ARMH3: variants seen among roughly 807,000 people sequenced by gnomAD.
ARMH3 encodes the protein armadillo-like helical domain-containing protein 3.
In ARMH3, 60 loss-of-function variants were observed where a neutral mutation model predicts 99.1. That is an observed-to-expected ratio of 0.61 (90% CI 0.49 to 0.75). The LOEUF (loss-of-function observed/expected upper bound fraction) is 0.75, where lower values mean the gene tolerates loss of function less well. ARMH3 is among the 30% of genes least tolerant of loss of function. The pLI, the probability that ARMH3 is intolerant of heterozygous loss-of-function variation, is 0.00. For missense variants in ARMH3, 679 were observed against 843.1 expected, an observed-to-expected ratio of 0.81 and a Z score of 2.41; for synonymous variants, 285 against 292.8, an observed-to-expected ratio of 0.97 and a Z score of 0.27.
At chr10:101,879,918 T>C (rs180675585) in intron 24 of ARMH3, among the ~76,000 whole-genome samples, 7 of 152,292 alleles carry the variant, frequency 4.6e-5, no homozygotes, top group Admixed American at 2.0e-4. Context: ...GATAAGCAGC[T>C]TGTAAAACCC....
chr10:101,949,688 T>C (rs866886586), intron 22 of ARMH3, among the ~76,000 whole-genome samples: 2 of 152,098 alleles, frequency 1.3e-5, no homozygotes, highest in South Asian at 4.1e-4. Context: ...AAACAGAAGA[T>C]GAGCAATGAG....
intron 19 of ARMH3, among the ~76,000 whole-genome samples, chr10:101,984,474 C>T (rs934757825): frequency 5.3e-5 from 8 of 152,124 alleles, no homozygotes; most frequent in Non-Finnish European, 1.2e-4. Context: ...CCTATGCACA[C>T]ACAGTACATT....
chr10:101,924,978 G>A (rs528047379), intron 23 of ARMH3, among the ~76,000 whole-genome samples: 23 of 152,144 alleles, frequency 1.5e-4, no homozygotes, highest in Non-Finnish European at 2.8e-4. Context: ...TGGCAATAGA[G>A]AGAGACTCCG....
At chr10:101,939,115 A>G (rs1342115499) in intron 23 of ARMH3, among the ~76,000 whole-genome samples, 1 of 152,230 alleles carries the variant, frequency 6.6e-6, no homozygotes, top group Non-Finnish European at 1.5e-5. Context: ...ATCTGGAGCT[A>G]AATCAAGTTC....
chr10:101,956,956 C>G (rs1249260809), intron 21 of ARMH3, among the ~76,000 whole-genome samples: 1 of 152,016 alleles, frequency 6.6e-6, no homozygotes, highest in Non-Finnish European at 1.5e-5. Flanking sequence ...CTTATCACTT[C>G]CTAATTATTT....
At chr10:101,977,285 G>A (rs548597744) in intron 19 of ARMH3, among the ~76,000 whole-genome samples, 4 of 152,174 alleles carry the variant, frequency 2.6e-5, no homozygotes, top group Non-Finnish European at 5.9e-5. Flanking sequence ...TAAGATAAAT[G>A]ATATTTTTAA....
At chr10:101,878,899 G>A (rs2067337878) in intron 24 of ARMH3, among the ~76,000 whole-genome samples, 1 of 151,934 alleles carries the variant, frequency 6.6e-6, no homozygotes, top group South Asian at 2.1e-4. Context: ...TTTCTCATAG[G>A]GACCTTTCTG....
At chr10:102,035,728 T>C (rs183414578) in intron 2 of ARMH3, among the ~76,000 whole-genome samples, 13 of 152,256 alleles carry the variant, frequency 8.5e-5, no homozygotes, top group Non-Finnish European at 1.9e-4. Flanking sequence ...CAGGCTGGAG[T>C]GCAGTGGTGT....
At chr10:101,904,153 A>G (rs749652691) in intron 23 of ARMH3, among the ~76,000 whole-genome samples, 14 of 152,370 alleles carry the variant, frequency 9.2e-5, no homozygotes, top group African/African-American at 2.6e-4. Flanking sequence ...GCTGCCTGTT[A>G]TAAGAGTGTC....
intron 5 of ARMH3, among the ~76,000 whole-genome samples, chr10:102,028,376 T>A (rs2067048648): frequency 6.6e-6 from 1 of 151,964 alleles, no homozygotes; most frequent in South Asian, 2.1e-4. Context: ...TAGCAAGACC[T>A]CATCTCATGA....
rs916327319 is a variant in ARMH3 at position 101,916,362 on chromosome 10, C to G, written c.1781+23501G>C. Reference sequence around the variant, plus strand: ...GGAAAACCATCAGCAACCTACCCCCCACCCCCATCCCAGCTCCCACTCAAA... The same window carrying G: ...GGAAAACCATCAGCAACCTACCCCCGACCCCCATCCCAGCTCCCACTCAAA... On this transcript the variant is annotated intron_variant, in intron 23 of 25. Transcript: ENST00000370033. Among the ~76,000 whole-genome samples, 7 of 152,068 alleles carry G rather than the reference C, an allele frequency of 4.6e-5. No homozygotes were observed. In the East Asian group the frequency reaches 1.2e-3, roughly 25 times the overall value.
chr10:101,896,686 A>C (rs1375474054), intron 23 of ARMH3, among the ~76,000 whole-genome samples: 1 of 152,218 alleles, frequency 6.6e-6, no homozygotes, highest in African/African-American at 2.4e-5. Flanking sequence ...TCACTCACCA[A>C]GAAAACTTTT....
At chr10:101,995,030 C>T (rs759093094) in intron 16 of ARMH3, among the ~76,000 whole-genome samples, 35 of 152,090 alleles carry the variant, frequency 2.3e-4, no homozygotes, top group Non-Finnish European at 4.7e-4. Context: ...AGCGATACTC[C>T]GTCTCAAAAC....
intron 23 of ARMH3, among the ~76,000 whole-genome samples, chr10:101,907,088 T>A (rs1187124882): frequency 6.6e-6 from 1 of 152,194 alleles, no homozygotes; most frequent in Non-Finnish European, 1.5e-5. Flanking sequence ...TTCAGAGAGC[T>A]ACCAAACTGG....
intron 22 of ARMH3, among the ~76,000 whole-genome samples, chr10:101,951,206 T>C (rs1340823385): frequency 6.6e-6 from 1 of 152,220 alleles, no homozygotes; most frequent in Non-Finnish European, 1.5e-5. Flanking sequence ...ATTATCAAGA[T>C]ATCAGTTTTC....
intron 14 of ARMH3, among the ~76,000 whole-genome samples, chr10:102,003,002 A>AAAAC (rs1293117589): frequency 6.8e-6 from 1 of 146,988 alleles, no homozygotes; most frequent in Non-Finnish European, 1.5e-5. Flanking sequence ...TAAATAAATA[A>AAAAC]AAACAGATGA....
chr10:101,868,863 G>C (rs568845885), intron 24 of ARMH3, among the ~76,000 whole-genome samples: 1 of 152,244 alleles, frequency 6.6e-6, no homozygotes, highest in African/African-American at 2.4e-5. Context: ...CCTGAAGTCA[G>C]GAGTTCAAGA....
chr10:101,964,364 T>C (rs1385583046), intron 20 of ARMH3, among the ~76,000 whole-genome samples: 1 of 152,110 alleles, frequency 6.6e-6, no homozygotes, highest in African/African-American at 2.4e-5. Context: ...TGGCCTAAGA[T>C]AATTAAACGC....
rs996858999 is a variant in ARMH3, at chr10:101,909,824, A to C, written c.1782-20334T>G. 2.0e-5 allele frequency among the ~76,000 whole-genome samples: 3 copies of C among 152,086 alleles called. No homozygotes were observed. In the East Asian group the frequency reaches 5.8e-4, roughly 29 times the overall value. ...TGTATCAAAGCATCTCACGTATCTC[A>C]TATCTATATATACCTATTATGTACC... On this transcript the variant is annotated intron_variant, in intron 23 of 25. Transcript: ENST00000370033.
Sources: allele counts gnomAD v4.1 joint callset (sites outside exome capture counted in the v4.1 genomes callset), GRCh38; gene constraint gnomAD v4.1.1; transcripts MANE v1.5; gene names NCBI Gene and HGNC (gene_info 2026-07-23, HGNC 2026-07-21).